KDM2B: variants seen among roughly 807,000 people sequenced by gnomAD.
The protein encoded by KDM2B is lysine-specific demethylase 2B.
A neutral mutation model predicts 150.0 loss-of-function variants in KDM2B; 26 were observed. That is an observed-to-expected ratio of 0.17 (90% CI 0.13 to 0.24). The LOEUF (loss-of-function observed/expected upper bound fraction) is 0.24, where lower values mean the gene tolerates loss of function less well. KDM2B is among the 10% of genes least tolerant of loss of function. KDM2B has a pLI of 1.00. For synonymous variants in KDM2B, 734 were observed against 729.5 expected (o/e 1.01, Z -0.10); for missense variants, 1,265 against 1,816.9 (o/e 0.70, Z 5.52).
chr12:121,424,830 T>C (rs570590000), downstream of KDM2B, among the ~76,000 whole-genome samples: 2 of 152,230 alleles, frequency 1.3e-5, no homozygotes, highest in Non-Finnish European at 2.9e-5. Context: ...TGTCCAGGTA[T>C]TGCGCTAGGT....
intron 4 of KDM2B, among the ~76,000 whole-genome samples, chr12:121,569,371 C>T (rs1555315550): frequency 6.6e-6 from 1 of 152,140 alleles, no homozygotes; most frequent in African/African-American, 2.4e-5. Flanking sequence ...TGCTGTGGGC[C>T]CCTTCTTCAC....
chr12:121,576,962 T>G (rs1891537347), intron 2 of KDM2B, among the ~76,000 whole-genome samples: 1 of 152,086 alleles, frequency 6.6e-6, no homozygotes, highest in South Asian at 2.1e-4. Flanking sequence ...AGCCCTGACC[T>G]CAGCAGCTCA....
intron 4 of KDM2B, among the ~76,000 whole-genome samples, chr12:121,553,136 T>G (rs1889637924): frequency 6.6e-6 from 1 of 150,706 alleles, no homozygotes; most frequent in Non-Finnish European, 1.5e-5. Flanking sequence ...GGAGGCTGAG[T>G]CAGGAGAATG....
At chr12:121,558,610 T>A (rs1890087759) in intron 4 of KDM2B, among the ~76,000 whole-genome samples, 1 of 152,018 alleles carries the variant, frequency 6.6e-6, no homozygotes, top group Admixed American at 6.6e-5. Context: ...CATGCCACCA[T>A]GCCCCAGCTA....
chr12:121,500,554 C>T (rs1421809969), intron 11 of KDM2B, among the ~76,000 whole-genome samples: 1 of 152,228 alleles, frequency 6.6e-6, no homozygotes. Context: ...CCCTCCATGC[C>T]ATGACTAAAA....
At position 121,453,532 on chromosome 12, in the gene KDM2B, T is replaced by C. The variant is rs1414087791; in HGVS notation, c.1735-188A>G. Among the ~76,000 whole-genome samples the C allele has an allele frequency of 6.6e-6, 1 of 152,132 alleles. No homozygotes were observed. On this transcript the variant is annotated intron_variant, in intron 12 of 22. Transcript: ENST00000377071. The surrounding 1 kb of genome is among the most constrained non-coding windows in gnomAD (Gnocchi z 6.4). ...GCAGAGACCGTCAGGTTAAACGAGG[T>C]AATTCAGGTGAACGCTAATCCAGTA...
Position 121,453,720 on chromosome 12 carries a change from G to A in KDM2B, c.1735-376C>T, listed in dbSNP as rs1357351082. 6.6e-6 allele frequency among the ~76,000 whole-genome samples: 1 copy of A among 152,112 alleles called. No individual in the cohort carries two copies. The highest frequency in any genetic ancestry group is 1.5e-5 in the Non-Finnish European group (1 of 68,022). Reference sequence around the variant, plus strand: ...ACCAGGAGCTGGAGGCGCGGGGAAGGACCCTCCCCTAGAGCCCGCAGAGCC... The same window carrying A: ...ACCAGGAGCTGGAGGCGCGGGGAAGAACCCTCCCCTAGAGCCCGCAGAGCC... On this transcript the variant is annotated intron_variant, in intron 12 of 22. Coordinates refer to ENST00000377071, the MANE Select transcript of KDM2B (RefSeq NM_032590.5). The surrounding 1 kb of genome is among the most constrained non-coding windows in gnomAD (Gnocchi z 6.4).
In KDM2B at chr12:121,549,350, C is replaced by T; in HGVS notation, c.576+110G>A. ...CACCCCTATGCCTGCCAAGCCCAGC[C>T]AGCCACACCCACATGAGCCTTTTTG... On this transcript the variant is annotated intron_variant, in intron 5 of 22. Coordinates refer to ENST00000377071, the MANE Select transcript of KDM2B (RefSeq NM_032590.5). The surrounding 1 kb of genome is among the most constrained non-coding windows in gnomAD (Gnocchi z 4.4). 9.7e-7 allele frequency: 1 copy of T among 1,026,832 alleles called. No homozygotes were observed. Among genetic ancestry groups the T allele is most frequent in the Non-Finnish European group, 1.4e-6 (1 of 702,776 alleles). The allele number at this position is 1,026,832 out of a possible 1,614,324, so 63.6% of individuals were successfully genotyped here.
At position 121,521,621 on chromosome 12, in the gene KDM2B, A is replaced by C. The variant is rs1345819665; in HGVS notation, c.932-521T>G. 6.6e-6 allele frequency among the ~76,000 whole-genome samples: 1 copy of C among 152,152 alleles called. No homozygotes were observed. Among genetic ancestry groups the C allele is most frequent in the African/African-American group, 2.4e-5 (1 of 41,432 alleles). On this transcript the variant is annotated intron_variant, in intron 8 of 22. Transcript: ENST00000377071. The surrounding 1 kb of genome is among the most constrained non-coding windows in gnomAD (Gnocchi z 4.9). ...CGCCCAAGTCCATCTTCTTGTCATC[A>C]AACTCCACCCAGGCCCCTTTCCATG...
At chr12:121,434,386 C>A (rs1873594467) in intron 22 of KDM2B, among the ~76,000 whole-genome samples, 1 of 150,870 alleles carries the variant, frequency 6.6e-6, no homozygotes, top group East Asian at 2.0e-4. Context: ...CTCCCAGCTA[C>A]ACAGGAGGCT....
intron 12 of KDM2B, among the ~76,000 whole-genome samples, chr12:121,486,333 CTTTT>C (rs71079073): frequency 1.2e-4 from 7 of 59,016 alleles, no homozygotes; most frequent in African/African-American, 4.7e-4. Context: ...TTTCGAACTC[CTTTT>C]TTTTTTTTTT....
In KDM2B at chr12:121,467,698, T is replaced by G. The variant is rs1566303426; in HGVS notation, c.1735-14354A>C. The stretch of plus-strand genomic sequence containing the variant: ...TGCAACAGGAAATGCGCGCCCGGCC[T>G]GGGGTGGGGTCCTTTGTGTGGTCCC... On this transcript the variant is annotated intron_variant, in intron 12 of 22. Transcript: ENST00000377071. This position sits in a 1 kb window ranked among gnomAD's most constrained non-coding sequence, Gnocchi z 5.1. 6.6e-6 allele frequency: 1 copy of G among 150,956 alleles called. No homozygotes were observed. Among genetic ancestry groups the G allele is most frequent in the Admixed American group, 6.6e-5 (1 of 15,196 alleles). 9.4% of individuals were successfully genotyped at this position (150,956 alleles called of 1,614,324 possible).
rs1384262418 is a variant in KDM2B, at chr12:121,521,926, T to C, written c.932-826A>G. On this transcript the variant is annotated intron_variant, in intron 8 of 22. Transcript: ENST00000377071. This position sits in a 1 kb window ranked among gnomAD's most constrained non-coding sequence, Gnocchi z 4.9. The stretch of plus-strand genomic sequence containing the variant: ...CAGTTTGAGATCAGCCTGGACAATA[T>C]AGTAATACCTCATCTCTAAAAAAAA... Among the ~76,000 whole-genome samples, 3 of 151,800 alleles carry C rather than the reference T, an allele frequency of 2.0e-5. No individual in the cohort carries two copies. Among genetic ancestry groups the C allele is most frequent in the Middle Eastern group, 3.4e-3 (1 of 294 alleles).
intron 4 of KDM2B, among the ~76,000 whole-genome samples, chr12:121,567,780 G>A (rs1555315244): frequency 1.4e-5 from 2 of 141,594 alleles, no homozygotes; most frequent in East Asian, 2.1e-4. Flanking sequence ...GTGCAATCTC[G>A]GCTCACTGTA....
chr12:121,545,806 T>C (rs1266891463), intron 6 of KDM2B, among the ~76,000 whole-genome samples: 1 of 152,154 alleles, frequency 6.6e-6, no homozygotes, highest in African/African-American at 2.4e-5. Flanking sequence ...ATGCAGACCC[T>C]CTGTTCTGCC....
At chr12:121,545,121 A>T (rs781786763) in intron 6 of KDM2B, among the ~76,000 whole-genome samples, 33 of 152,116 alleles carry the variant, frequency 2.2e-4, no homozygotes, top group Non-Finnish European at 3.7e-4. Flanking sequence ...TCTTAATTAA[A>T]TTCTACAGAA....
At chr12:121,536,075 G>C in intron 6 of KDM2B, 1 of 985,852 alleles carries the variant, frequency 1.0e-6, no homozygotes, top group Non-Finnish European at 1.2e-6. Flanking sequence ...GGAAGGAATG[G>C]GGCGGGGACG....
Position 121,513,462 on chromosome 12 carries a change from G to A in KDM2B, c.1048-60C>T. ...TTCCAGAGGGCGAAGGGGGAAGGAG[G>A]GAGAGAAGTGCGGGGCAGGCTCCCT... On this transcript the variant is annotated intron_variant, in intron 9 of 22. Transcript: ENST00000377071. This position sits in a 1 kb window ranked among gnomAD's most constrained non-coding sequence, Gnocchi z 5.0. 1 of 1,586,314 alleles carries A rather than the reference G, an allele frequency of 6.3e-7. No individual in the cohort carries two copies. Among genetic ancestry groups the A allele is most frequent in the Non-Finnish European group, 8.6e-7 (1 of 1,158,414 alleles).
In KDM2B at chr12:121,548,965, C is replaced by G; in HGVS notation, c.595G>C (p.Val199Leu). 1 of 1,614,134 alleles carries G rather than the reference C, an allele frequency of 6.2e-7. No homozygotes were observed. Among genetic ancestry groups the G allele is most frequent in the South Asian group, 1.1e-5 (1 of 91,082 alleles). Reference sequence around the variant, plus strand: ...AGATGCTGGGGCCACATGTTGTCCACCCAGTCCACCAGGTCTACCTGAAAG... The same window carrying G: ...AGATGCTGGGGCCACATGTTGTCCAGCCAGTCCACCAGGTCTACCTGAAAG... ...RPTVVDLVDW[V>L]DNMWPQHLKE... The change falls in exon 6 of 23, where the codon GTG (valine) becomes CTG (leucine). Residue 199 changes from valine (V) to leucine (L), a missense_variant. Around this residue, in one of 11 missense-constraint regions of KDM2B, gnomAD observed 214 missense variants for 447.4 expected, o/e 0.48. Coordinates refer to ENST00000377071, the MANE Select transcript of KDM2B (RefSeq NM_032590.5).
Sources: allele counts gnomAD v4.1 joint callset (sites outside exome capture counted in the v4.1 genomes callset), GRCh38; gene constraint gnomAD v4.1.1; regional missense constraint gnomAD v4.1.1; non-coding constraint Gnocchi (gnomAD v3.1); transcripts MANE v1.5; gene names NCBI Gene and HGNC (gene_info 2026-07-23, HGNC 2026-07-21).